RMDN2: variants seen among roughly 807,000 people sequenced by gnomAD.
The protein encoded by RMDN2 is regulator of microtubule dynamics protein 2.
In RMDN2, 61 loss-of-function variants were observed where a neutral mutation model predicts 52.8. That is an observed-to-expected ratio of 1.16 (90% CI 0.94 to 1.43). The LOEUF is 1.43. RMDN2 is among the 40% of genes most tolerant of loss of function. The pLI, the probability that RMDN2 is intolerant of heterozygous loss-of-function variation, is 0.00. For missense variants in RMDN2, 592 were observed against 475.3 expected (o/e 1.25, Z -2.28); for synonymous variants, 180 against 153.1 (o/e 1.18, Z -1.30).
intron 10 of RMDN2, among the ~76,000 whole-genome samples, chr2:38,064,667 T>C (rs1243720220): frequency 1.3e-5 from 2 of 152,156 alleles, no homozygotes. Flanking sequence ...TTGTTGGGAC[T>C]TAGTCCCTGC....
At chr2:37,948,155 G>C (rs1441632164) in intron 2 of RMDN2, among the ~76,000 whole-genome samples, 1 of 152,172 alleles carries the variant, frequency 6.6e-6, no homozygotes, top group Non-Finnish European at 1.5e-5. Flanking sequence ...TGTGGGAAAT[G>C]CATGTTCTTA....
At chr2:37,956,368 T>A (rs1033950511) in intron 2 of RMDN2, among the ~76,000 whole-genome samples, 1 of 152,120 alleles carries the variant, frequency 6.6e-6, no homozygotes, top group Non-Finnish European at 1.5e-5. Flanking sequence ...ATAATCCTTT[T>A]TATTTCTATA....
At chr2:37,948,479 G>T (rs957328657) in intron 2 of RMDN2, among the ~76,000 whole-genome samples, 1 of 152,048 alleles carries the variant, frequency 6.6e-6, no homozygotes, top group African/African-American at 2.4e-5. Flanking sequence ...AAAAGCAGAA[G>T]GTACCTGGGG....
intron 5 of RMDN2, among the ~76,000 whole-genome samples, chr2:37,981,616 C>A (rs1394146468): frequency 2.0e-5 from 3 of 152,162 alleles, no homozygotes; most frequent in Non-Finnish European, 4.4e-5. Flanking sequence ...ATAATTAAAT[C>A]TAGTTCAGTA....
At chr2:38,058,528 G>A (rs1244495549) in intron 10 of RMDN2, among the ~76,000 whole-genome samples, 3 of 152,210 alleles carry the variant, frequency 2.0e-5, no homozygotes, top group Non-Finnish European at 4.4e-5. Context: ...CAGGTGTGGG[G>A]GCTGCTTGTC....
At chr2:37,999,271 T>C (rs925780900) in intron 8 of RMDN2, among the ~76,000 whole-genome samples, 3 of 151,990 alleles carry the variant, frequency 2.0e-5, no homozygotes, top group Non-Finnish European at 2.9e-5. Context: ...GCAAATTGCT[T>C]AACCTCTCTC....
chr2:37,970,332 G>C (rs774779260), intron 2 of RMDN2, among the ~76,000 whole-genome samples: 1 of 152,126 alleles, frequency 6.6e-6, no homozygotes, highest in African/African-American at 2.4e-5. Context: ...GGTCTCATCT[G>C]TTGCGCCAGA....
intron 5 of RMDN2, among the ~76,000 whole-genome samples, chr2:37,986,227 G>T (rs1673997018): frequency 1.3e-5 from 2 of 152,172 alleles, no homozygotes; most frequent in African/African-American, 4.8e-5. Flanking sequence ...ACATTGAACA[G>T]AATGGCAGAG....
chr2:37,975,262 C>T lies in RMDN2; in HGVS notation c.678C>T (p.Asp226=), dbSNP rs140361585. Residue 226 remains aspartate (D), a synonymous_variant, in exon 4 of 11, where the codon GAC becomes GAT. Coordinates refer to ENST00000354545, the MANE Select transcript of RMDN2 (RefSeq NM_001170791.3). ...GGCGATTTGCTCGTGCTTATGGAGA[C>T]ATGTATGAACTATCTACAAACACAC... ...FMWRFARAYG[D]MYELSTNTQE... 9 of 1,610,442 alleles carry T rather than the reference C, an allele frequency of 5.6e-6. No individual in the cohort carries two copies. In the African/African-American group the frequency reaches 1.2e-4, roughly 22 times the overall value.
At chr2:37,989,721 G>T (rs1309393642) in intron 6 of RMDN2, 105 bp downstream of exon 6, 1 of 677,312 alleles carries the variant, frequency 1.5e-6, no homozygotes, top group Non-Finnish European at 2.4e-6. Context: ...CCATCAATGG[G>T]TATAAACCAG....
At chr2:38,038,924 T>C (rs914564817) in intron 10 of RMDN2, among the ~76,000 whole-genome samples, 1 of 152,038 alleles carries the variant, frequency 6.6e-6, no homozygotes, top group African/African-American at 2.4e-5. Flanking sequence ...GTGGTTCCCA[T>C]AGAGGTGTAC....
chr2:37,925,194 C>T (rs867918257), upstream of RMDN2: 1 of 152,198 alleles, frequency 6.6e-6, no homozygotes, highest in Non-Finnish European at 1.5e-5. Flanking sequence ...GCACCCAACG[C>T]CAGTCCCGGT....
intron 10 of RMDN2, among the ~76,000 whole-genome samples, chr2:38,023,847 C>T (rs561534195): frequency 2.6e-5 from 4 of 152,046 alleles, no homozygotes; most frequent in African/African-American, 4.8e-5. Context: ...TAAATTTTGA[C>T]GTGTACACCC....
At chr2:37,940,245 A>C (rs1045273774) in intron 2 of RMDN2, among the ~76,000 whole-genome samples, 14 of 152,146 alleles carry the variant, frequency 9.2e-5, no homozygotes, top group African/African-American at 3.1e-4. Context: ...TTGTGCAGAG[A>C]GATTTCCTGT....
At chr2:38,049,219 A>G (rs1681448947) in intron 10 of RMDN2, among the ~76,000 whole-genome samples, 1 of 152,184 alleles carries the variant, frequency 6.6e-6, no homozygotes, top group African/African-American at 2.4e-5. Context: ...CCTCATTAGG[A>G]GCCTTCCTCC....
chr2:37,973,460 C>G (rs1394309542), intron 2 of RMDN2, among the ~76,000 whole-genome samples: 1 of 152,140 alleles, frequency 6.6e-6, no homozygotes, highest in Admixed American at 6.5e-5. Flanking sequence ...GTTAATGAAC[C>G]TACCATCAGG....
chr2:38,044,992 C>G (rs1681183651), intron 10 of RMDN2, among the ~76,000 whole-genome samples: 1 of 149,552 alleles, frequency 6.7e-6, no homozygotes, highest in African/African-American at 2.4e-5. Context: ...CATTCAAGCT[C>G]TTATTCTAGA....
At chr2:37,934,277 A>G (rs990210614) in intron 2 of RMDN2, among the ~76,000 whole-genome samples, 3 of 152,212 alleles carry the variant, frequency 2.0e-5, no homozygotes, top group Non-Finnish European at 4.4e-5. Context: ...TCAGTGGAAC[A>G]TGTTTTCTGT....
intron 2 of RMDN2, chr2:37,963,066 A>G (rs11680050): frequency 0.39 from 59,458 of 152,308 alleles, 12,780 homozygotes; most frequent in South Asian, 0.52. Flanking sequence ...TGAACTGGGT[A>G]CCTCAAATGG....
Sources: gnomAD v4.1 joint callset for allele counts (sites outside exome capture counted in the v4.1 genomes callset) on GRCh38, gnomAD v4.1.1 for gene constraint, MANE v1.5 for transcripts, NCBI Gene and HGNC (gene_info 2026-07-23, HGNC 2026-07-21) for gene names.